Variants in TMEM30B observed in about 807,000 individuals in gnomAD.
TMEM30B encodes the protein cell division cycle 50 P4-ATPase accessory subunit B, also known as cell cycle control protein 50B.
Under a neutral mutation model 27.9 loss-of-function variants are expected in TMEM30B, and 25 were observed. The ratio of observed to expected loss-of-function variants is 0.89; its 90% CI spans 0.65 to 1.25. The LOEUF (loss-of-function observed/expected upper bound fraction) is 1.25. Among genes scored for constraint, TMEM30B ranks in the 50% most tolerant of loss-of-function variants. The pLI is 0.00. For synonymous variants in TMEM30B, 248 were observed against 238.5 expected (o/e 1.04, Z -0.37); for missense variants, 536 against 506.5 (o/e 1.06, Z -0.56).
Position 61,280,713 on chromosome 14 carries a change from G to A in TMEM30B, c.435C>T (p.Asn145=), listed in dbSNP as rs969974985. 10 of 1,579,124 alleles carry A rather than the reference G, an allele frequency of 6.3e-6. No individual in the cohort carries two copies. In the African/African-American group the frequency reaches 9.4e-5, roughly 15 times the overall value. Residue 145 remains asparagine (N), a synonymous_variant, in exon 1 of 1, where the codon AAC becomes AAT. Coordinates refer to ENST00000555868, the MANE Select transcript of TMEM30B (RefSeq NM_001017970.3). The surrounding 1 kb of genome is among the most constrained non-coding windows in gnomAD (Gnocchi z 5.0). The part of the protein sequence containing the change: ...GLPSALRHPV[N]ECAPYQRSAA... ...CGCTGCGCTGGTAGGGGGCGCACTCGTTGACAGGGTGGCGCAGCGCGCTGG... is the reference window on the plus strand; with the variant it reads ...CGCTGCGCTGGTAGGGGGCGCACTCATTGACAGGGTGGCGCAGCGCGCTGG...
At position 61,280,876 on chromosome 14, in the gene TMEM30B, G is replaced by T. The variant is rs137950125; in HGVS notation, c.272C>A (p.Pro91His). ...CGAGAAGTACCAGGCGCACGAGCAGGGGGGCGGCAGCGCCCGGCCCTGGCC... is the reference window on the plus strand; with the variant it reads ...CGAGAAGTACCAGGCGCACGAGCAGTGGGGCGGCAGCGCCCGGCCCTGGCC... ...AAGQGRALPP[P>H]CSCAWYFSLP... The change falls in exon 1 of 1, where the codon CCC becomes CAC. Residue 91 changes from proline (P) to histidine (H), a missense_variant. Coordinates refer to ENST00000555868, the MANE Select transcript of TMEM30B (RefSeq NM_001017970.3). This position sits in a 1 kb window ranked among gnomAD's most constrained non-coding sequence, Gnocchi z 5.0. 3.2e-6 allele frequency: 5 copies of T among 1,563,232 alleles called. No individual in the cohort carries two copies. The East Asian group carries it at 9.2e-5, about 29-fold the overall frequency.
rs986879178 is a variant in TMEM30B, at chr14:61,281,109, G to T, written c.39C>A (p.Pro13=). The change falls in exon 1 of 1, where the codon CCC becomes CCA. Residue 13 remains proline (P), a synonymous_variant. Coordinates refer to ENST00000555868, the MANE Select transcript of TMEM30B (RefSeq NM_001017970.3). Reference sequence around the variant, plus strand: ...GCTGCTGAGTGAAGGCGGTGTTGTCGGGCTGGTGGGCGCCCCGGGCCGTGG... The same window carrying T: ...GCTGCTGAGTGAAGGCGGTGTTGTCTGGCTGGTGGGCGCCCCGGGCCGTGG... ...WSATARGAHQ[P]DNTAFTQQRL... 21 of 1,446,108 alleles carry T rather than the reference G, an allele frequency of 1.5e-5. No individual in the cohort carries two copies. Among genetic ancestry groups the T allele is most frequent in the African/African-American group, 1.2e-4 (8 of 67,346 alleles). 89.6% of individuals were successfully genotyped at this position (1,446,108 alleles called of 1,614,324 possible).
chr14:61,281,038 G>A lies in TMEM30B; in HGVS notation c.110C>T (p.Pro37Leu), dbSNP rs1219975471. Residue 37 changes from proline to leucine, a missense_variant, in exon 1 of 1, where the codon CCG becomes CTG. Transcript: ENST00000555868. ...GGCCAGGCCCGCGCAGAAGAAGAGC[G>A]GCAGCGCGATGCTGGCCGACAGCAG... ...QPLLSASIAL[P>L]LFFCAGLAFI... The A allele has an allele frequency of 6.5e-7, 1 of 1,530,554 alleles. No individual in the cohort carries two copies. Among genetic ancestry groups the A allele is most frequent in the Admixed American group, 2.0e-5 (1 of 49,806 alleles). 94.8% of individuals were successfully genotyped at this position (1,530,554 alleles called of 1,614,324 possible). A position where few individuals can be genotyped will look rare whatever the true frequency, so the allele number is the denominator to read the frequency against.
rs2045232748 is a variant in TMEM30B, at chr14:61,279,164, C to A, written c.*928G>T. On this transcript the variant is annotated 3_prime_UTR_variant, in exon 1 of 1. Transcript: ENST00000555868. ...CACATTTTCGAGTTTCTACACAGTA[C>A]CTGGCAAAGTTTGCCTGTTGGCTTT... 6.6e-6 allele frequency: 1 copy of A among 152,232 alleles called. No homozygotes were observed. The highest frequency in any genetic ancestry group is 6.5e-5 in the Admixed American group (1 of 15,272). 9.4% of individuals were successfully genotyped at this position (152,232 alleles called of 1,614,324 possible).
At position 61,279,012 on chromosome 14, in the gene TMEM30B, C is replaced by CACACAA. The variant is rs61512805; in HGVS notation, c.*1079_*1080insTTGTGT. ...ACACACACACACACACACACACACA[C>CACACAA]AATGACAAAGAACACTGAGCTAGGA... is the stretch of plus-strand genomic sequence containing the variant. On this transcript the variant is annotated 3_prime_UTR_variant, in exon 1 of 1. Coordinates refer to ENST00000555868, the MANE Select transcript of TMEM30B (RefSeq NM_001017970.3). 6.8e-6 allele frequency: 1 copy of CACACAA among 147,672 alleles called. No homozygotes were observed. Among genetic ancestry groups the CACACAA allele is most frequent in the Admixed American group, 6.7e-5 (1 of 14,866 alleles). 9.1% of individuals were successfully genotyped at this position (147,672 alleles called of 1,614,324 possible). A position where few individuals can be genotyped will look rare whatever the true frequency, so the allele number is the denominator to read the frequency against.
At position 61,280,488 on chromosome 14, in the gene TMEM30B, G is replaced by T. The variant is rs748199194; in HGVS notation, c.660C>A (p.Phe220Leu). Residue 220 changes from phenylalanine to leucine, a missense_variant, in exon 1 of 1, where the codon TTC (phenylalanine) becomes TTA (leucine). Physicochemically the swap from Phe to Leu is conservative, Grantham distance 22. Transcript: ENST00000555868. The surrounding 1 kb of genome is among the most constrained non-coding windows in gnomAD (Gnocchi z 5.0). ...AGTTGGGCGGGGGCGCCGTGCCCTG[G>T]AAGGCCAACGCCAGGCTGCCGTTGA... is the stretch of plus-strand genomic sequence containing the variant. ...PLVNGSLALA[F>L]QGTAPPPNWR... 21 of 1,613,102 alleles carry T rather than the reference G, an allele frequency of 1.3e-5. No homozygotes were observed. Among genetic ancestry groups the T allele is most frequent in the Non-Finnish European group, 1.7e-5 (20 of 1,179,636 alleles).
In TMEM30B at chr14:61,280,522, G is replaced by A. The variant is rs751026374; in HGVS notation, c.626C>T (p.Pro209Leu). ...WTDYHVKFRN[P>L]PLVNGSLALA... ...CGCCAGGCTGCCGTTGACCAGCGGC[G>A]GGTTGCGGAACTTGACGTGGTAGTC... Residue 209 changes from proline (P) to leucine (L), a missense_variant, in exon 1 of 1, where the codon CCG becomes CTG. Transcript: ENST00000555868. This position sits in a 1 kb window ranked among gnomAD's most constrained non-coding sequence, Gnocchi z 5.0. The A allele has an allele frequency of 1.2e-6, 2 of 1,612,562 alleles. No individual in the cohort carries two copies. Among genetic ancestry groups the A allele is most frequent in the African/African-American group, 1.3e-5 (1 of 74,910 alleles).
At position 61,280,266 on chromosome 14, in the gene TMEM30B, G is replaced by T. The variant is rs751810000; in HGVS notation, c.882C>A (p.Arg294=). The change falls in exon 1 of 1, where the codon CGC becomes CGA. Residue 294 remains arginine (R), a synonymous_variant. Coordinates refer to ENST00000555868, the MANE Select transcript of TMEM30B (RefSeq NM_001017970.3). The surrounding 1 kb of genome is among the most constrained non-coding windows in gnomAD (Gnocchi z 5.0). ...RVNITYNYPV[R]AFGGHKLLIF... is the part of the protein sequence containing the mutation. ...TGAGGAGCTTGTGGCCGCCGAACGC[G>T]CGCACCGGGTAGTTGTAGGTGATGT... is the stretch of plus-strand genomic sequence containing the variant. 1.2e-6 allele frequency: 2 copies of T among 1,613,906 alleles called. No homozygotes were observed. The highest frequency in any genetic ancestry group is 1.7e-6 in the Non-Finnish European group (2 of 1,180,006).
rs2045225816 is a variant in TMEM30B at position 61,278,688 on chromosome 14, G to A, written c.*1404C>T. ...AAGATGATATCACAAAGGGTTTTAA[G>A]TTATTTTGCTATACAAGGTTTTTAA... On this transcript the variant is annotated 3_prime_UTR_variant, in exon 1 of 1. Transcript: ENST00000555868. The A allele has an allele frequency of 6.6e-6, 1 of 152,070 alleles. No homozygotes were observed. Among genetic ancestry groups the A allele is most frequent in the Admixed American group, 6.6e-5 (1 of 15,266 alleles). The allele number at this position is 152,070 out of a possible 1,614,324, so 9.4% of individuals were successfully genotyped here. A position where few individuals can be genotyped will look rare whatever the true frequency, so the allele number is the denominator to read the frequency against.
Position 61,280,606 on chromosome 14 carries a change from T to C in TMEM30B, c.542A>G (p.Gln181Arg). The C allele has an allele frequency of 2.5e-6, 4 of 1,586,026 alleles. No individual in the cohort carries two copies. Among genetic ancestry groups the C allele is most frequent in the Non-Finnish European group, 3.4e-6 (4 of 1,166,406 alleles). Residue 181 changes from glutamine (Q) to arginine (R), a missense_variant, in exon 1 of 1, where the codon CAG becomes CGG. Coordinates refer to ENST00000555868, the MANE Select transcript of TMEM30B (RefSeq NM_001017970.3). The surrounding 1 kb of genome is among the most constrained non-coding windows in gnomAD (Gnocchi z 5.0). ...CACCTCGACGTAGGGCCCGCCGGGC[T>C]GGCGCTGGTGCCAAAGCGAGAAGGA... is the stretch of plus-strand genomic sequence containing the variant. ...NDSFSLWHQR[Q>R]PGGPYVEVPL...
At position 61,279,343 on chromosome 14, in the gene TMEM30B, C is replaced by T. The variant is rs1012603821; in HGVS notation, c.*749G>A. 1.3e-5 allele frequency: 2 copies of T among 152,182 alleles called. No individual in the cohort carries two copies. Among genetic ancestry groups the T allele is most frequent in the Non-Finnish European group, 2.9e-5 (2 of 68,040 alleles). 9.4% of individuals were successfully genotyped at this position (152,182 alleles called of 1,614,324 possible). A position where few individuals can be genotyped will look rare whatever the true frequency, so the allele number is the denominator to read the frequency against. On this transcript the variant is annotated 3_prime_UTR_variant, in exon 1 of 1. Transcript: ENST00000555868. Reference sequence around the variant, plus strand: ...TTCAAGGCAGAGTGCCAGACCAAACCTGGAACATCATGGTTGTCACTGCCC... The same window carrying T: ...TTCAAGGCAGAGTGCCAGACCAAACTTGGAACATCATGGTTGTCACTGCCC...
chr14:61,277,578 G>A lies in TMEM30B; in HGVS notation c.*2514C>T, dbSNP rs549133956. ...AGCACAGGGATCATTGCAGGAAAAC[G>A]TTTCCCATTTCAGTTTTAAAGTTTC... On this transcript the variant is annotated 3_prime_UTR_variant, in exon 1 of 1. Coordinates refer to ENST00000555868, the MANE Select transcript of TMEM30B (RefSeq NM_001017970.3). 1.5e-4 allele frequency: 23 copies of A among 152,276 alleles called. No homozygotes were observed. The highest frequency in any genetic ancestry group is 2.1e-4 in the South Asian group (1 of 4,826). The allele number at this position is 152,276 out of a possible 1,614,324, so 9.4% of individuals were successfully genotyped here. A position where few individuals can be genotyped will look rare whatever the true frequency, so the allele number is the denominator to read the frequency against.
Position 61,280,100 on chromosome 14 carries a change from C to G in TMEM30B, c.1048G>C (p.Glu350Gln). The part of the protein sequence containing the change: ...IRYQDQDDDD[E>Q]E Reference sequence around the variant, plus strand: ...TCCCTGGAAAGCCGGAATCACTCCTCGTCGTCGTCGTCCTGGTCCTGGTAG... The same window carrying G: ...TCCCTGGAAAGCCGGAATCACTCCTGGTCGTCGTCGTCCTGGTCCTGGTAG... The change falls in exon 1 of 1, where the codon GAG (glutamate) becomes CAG (glutamine). Residue 350 changes from glutamate (E) to glutamine (Q), a missense_variant. Glu to Gln is a conservative substitution (Grantham distance 29, BLOSUM62 2). Coordinates refer to ENST00000555868, the MANE Select transcript of TMEM30B (RefSeq NM_001017970.3). The surrounding 1 kb of genome is among the most constrained non-coding windows in gnomAD (Gnocchi z 5.0). 6.2e-7 allele frequency: 1 copy of G among 1,605,352 alleles called. No individual in the cohort carries two copies. The highest frequency in any genetic ancestry group is 1.1e-5 in the South Asian group (1 of 89,710).
In TMEM30B at chr14:61,279,655, G is replaced by C. The variant is rs537960658; in HGVS notation, c.*437C>G. On this transcript the variant is annotated 3_prime_UTR_variant, in exon 1 of 1. Transcript: ENST00000555868. ...TTCCAGCCCACTCTCCCCGACCAAAGAAAAGAAAACCACTGTACTGTAGTG... is the reference window on the plus strand; with the variant it reads ...TTCCAGCCCACTCTCCCCGACCAAACAAAAGAAAACCACTGTACTGTAGTG... The C allele has an allele frequency of 6.4e-6, 1 of 156,784 alleles. No homozygotes were observed. The highest frequency in any genetic ancestry group is 1.9e-4 in the East Asian group (1 of 5,266). The allele number at this position is 156,784 out of a possible 1,614,324, so 9.7% of individuals were successfully genotyped here.
Position 61,281,025 on chromosome 14 carries a change from G to T in TMEM30B, c.123C>A (p.Cys41Ter). The change falls in exon 1 of 1, where the codon TGC (cysteine) becomes TGA (stop). Residue 41 changes from cysteine (C) to a stop codon, truncating the protein, a stop_gained. Coordinates refer to ENST00000555868, the MANE Select transcript of TMEM30B (RefSeq NM_001017970.3). LOFTEE classifies it high-confidence loss of function. ...CCAGGCCGATGAAGGCCAGGCCCGC[G>T]CAGAAGAAGAGCGGCAGCGCGATGC... is the stretch of plus-strand genomic sequence containing the variant. The part of the protein sequence containing the change: ...SASIALPLFF[C>*]AGLAFIGLGL... 6.5e-7 allele frequency: 1 copy of T among 1,533,994 alleles called. No homozygotes were observed.
chr14:61,280,036 A>G lies in TMEM30B; in HGVS notation c.*56T>C, dbSNP rs563123537. ...GGTGACGGGCGAGGAGGAGATGCCAAAAGCACCTTGCAAGAGTTTTGGCAA... is the reference window on the plus strand; with the variant it reads ...GGTGACGGGCGAGGAGGAGATGCCAGAAGCACCTTGCAAGAGTTTTGGCAA... On this transcript the variant is annotated 3_prime_UTR_variant, in exon 1 of 1. Transcript: ENST00000555868. This position sits in a 1 kb window ranked among gnomAD's most constrained non-coding sequence, Gnocchi z 5.0. The G allele has an allele frequency of 6.6e-5, 97 of 1,477,996 alleles. No homozygotes were observed. Among genetic ancestry groups the G allele is most frequent in the Non-Finnish European group, 8.7e-5 (96 of 1,102,874 alleles). 91.6% of individuals were successfully genotyped at this position (1,477,996 alleles called of 1,614,324 possible).
rs1454026009 is a variant in TMEM30B, at chr14:61,280,878, G to A, written c.270C>T (p.Pro90=). 7 of 1,561,284 alleles carry A rather than the reference G, an allele frequency of 4.5e-6. No homozygotes were observed. The East Asian group carries it at 6.9e-5, about 15-fold the overall frequency. The change falls in exon 1 of 1, where the codon CCC becomes CCT. Residue 90 remains proline (P), a synonymous_variant. Coordinates refer to ENST00000555868, the MANE Select transcript of TMEM30B (RefSeq NM_001017970.3). This position sits in a 1 kb window ranked among gnomAD's most constrained non-coding sequence, Gnocchi z 5.0. ...AGAAGTACCAGGCGCACGAGCAGGG[G>A]GGCGGCAGCGCCCGGCCCTGGCCAG... ...AAAGQGRALP[P]PCSCAWYFSL...
Position 61,277,733 on chromosome 14 carries a change from T to A in TMEM30B, c.*2359A>T, listed in dbSNP as rs2045216639. 1 of 151,850 alleles carries A rather than the reference T, an allele frequency of 6.6e-6. No individual in the cohort carries two copies. The highest frequency in any genetic ancestry group is 2.4e-5 in the African/African-American group (1 of 41,102). The allele number at this position is 151,850 out of a possible 1,614,324, so 9.4% of individuals were successfully genotyped here. On this transcript the variant is annotated 3_prime_UTR_variant, in exon 1 of 1. Transcript: ENST00000555868. ...CAAACAGTATTTGAGGACTATCTAG[T>A]TTATATACATGTTGAGGTTGATAAA...
chr14:61,280,108 T>C lies in TMEM30B; in HGVS notation c.1040A>G (p.Asp347Gly). ...VVYIRYQDQDDDDEE is the reference protein window; with the variant it reads ...VVYIRYQDQDGDDEE Reference sequence around the variant, plus strand: ...AAGCCGGAATCACTCCTCGTCGTCGTCGTCCTGGTCCTGGTAGCGAATGTA... The same window carrying C: ...AAGCCGGAATCACTCCTCGTCGTCGCCGTCCTGGTCCTGGTAGCGAATGTA... The change falls in exon 1 of 1, where the codon GAC becomes GGC. Residue 347 changes from aspartate (D) to glycine (G), a missense_variant. Transcript: ENST00000555868. This position sits in a 1 kb window ranked among gnomAD's most constrained non-coding sequence, Gnocchi z 5.0. 6.2e-7 allele frequency: 1 copy of C among 1,611,382 alleles called. No individual in the cohort carries two copies. The highest frequency in any genetic ancestry group is 1.1e-5 in the South Asian group (1 of 90,750).
Sources: gnomAD v4.1 joint callset for allele counts on GRCh38, gnomAD v4.1.1 for gene constraint, Gnocchi (gnomAD v3.1) non-coding constraint, MANE v1.5 for transcripts, NCBI Gene and HGNC (gene_info 2026-07-23, HGNC 2026-07-21) for gene names.